Variants in KCNT2 observed in about 807,000 individuals in gnomAD.
KCNT2 encodes potassium channel subfamily T member 2.
A neutral mutation model predicts 153.8 loss-of-function variants in KCNT2; 67 were observed. The observed-to-expected ratio is 0.44, with a 90% CI of 0.36 to 0.53. KCNT2 has a LOEUF of 0.53. Ranked by LOEUF, KCNT2 falls within the 20% of genes least tolerant of loss-of-function variation. KCNT2 has a pLI of 0.00. For synonymous variants in KCNT2, 500 were observed against 458.8 expected, an observed-to-expected ratio of 1.09 and a Z score of -1.15; for missense variants, 975 against 1,354.8, an observed-to-expected ratio of 0.72 and a Z score of 4.40.
At chr1:196,301,766 GTC>G (rs1002378144) in intron 22 of KCNT2, among the ~76,000 whole-genome samples, 1 of 152,068 alleles carries the variant, frequency 6.6e-6, no homozygotes, top group African/African-American at 2.4e-5. Context: ...TAGAGACATA[GTC>G]TCTCTCTGTC....
intron 1 of KCNT2, among the ~76,000 whole-genome samples, chr1:196,508,952 T>C (rs1681374344): frequency 6.6e-6 from 1 of 152,116 alleles, no homozygotes; most frequent in Non-Finnish European, 1.5e-5. Flanking sequence ...AACTTAAACA[T>C]TTGCACTGGG....
chr1:196,586,523 A>G (rs1662700258), intron 1 of KCNT2, among the ~76,000 whole-genome samples: 1 of 152,044 alleles, frequency 6.6e-6, no homozygotes, highest in South Asian at 2.1e-4. Context: ...TCTTACCTGT[A>G]TTATTATTCG....
intron 1 of KCNT2, among the ~76,000 whole-genome samples, chr1:196,517,613 A>G (rs1056654671): frequency 5.3e-5 from 8 of 152,192 alleles, no homozygotes; most frequent in African/African-American, 1.9e-4. Context: ...ACTACAAGAA[A>G]TTCACAATGC....
intron 14 of KCNT2, among the ~76,000 whole-genome samples, chr1:196,351,452 TTC>T (rs1371218072): frequency 1.3e-5 from 2 of 152,030 alleles, no homozygotes; most frequent in Non-Finnish European, 2.9e-5. Context: ...AAGTATTTTG[TTC>T]TCTTTGAAGC....
At chr1:196,569,938 G>A (rs907336562) in intron 1 of KCNT2, among the ~76,000 whole-genome samples, 3 of 151,980 alleles carry the variant, frequency 2.0e-5, no homozygotes, top group African/African-American at 7.3e-5. Flanking sequence ...GGTGAAGAAA[G>A]GTGTAGAGAT....
chr1:196,458,792 G>T (rs1676902647), intron 8 of KCNT2, among the ~76,000 whole-genome samples: 1 of 151,876 alleles, frequency 6.6e-6, no homozygotes. Context: ...GAGAAAAAAA[G>T]TCACATGGCA....
At chr1:196,383,648 A>G (rs1316839275) in intron 13 of KCNT2, among the ~76,000 whole-genome samples, 2 of 152,220 alleles carry the variant, frequency 1.3e-5, no homozygotes, top group Non-Finnish European at 2.9e-5. Context: ...ACAGGGTCCA[A>G]GTATATCTTC....
At position 196,467,701 on chromosome 1, in the gene KCNT2, A is replaced by G. The variant is rs1424226874; in HGVS notation, c.543+2T>C. ...ATATTTGCACTTTAATTCTATACTTACAATCATATTTTCCAAGGCATGTTT... is the reference window on the plus strand; with the variant it reads ...ATATTTGCACTTTAATTCTATACTTGCAATCATATTTTCCAAGGCATGTTT... On this transcript the variant is annotated splice_donor_variant, in intron 7 of 27. Coordinates refer to ENST00000294725, the MANE Select transcript of KCNT2 (RefSeq NM_198503.5). LOFTEE classifies it high-confidence loss of function. 2.5e-6 allele frequency: 4 copies of G among 1,577,938 alleles called. No individual in the cohort carries two copies. The highest frequency in any genetic ancestry group is 2.7e-5 in the African/African-American group (2 of 74,172).
At chr1:196,425,788 G>A in intron 11 of KCNT2, 64 bp downstream of exon 11, 1 of 1,557,226 alleles carries the variant, frequency 6.4e-7, no homozygotes, top group Non-Finnish European at 8.8e-7. Context: ...AAAATTTGGA[G>A]GAAAGAGAAA....
intron 13 of KCNT2, among the ~76,000 whole-genome samples, chr1:196,384,794 A>G (rs1385653881): frequency 1.3e-5 from 2 of 151,976 alleles, no homozygotes; most frequent in Non-Finnish European, 2.9e-5. Context: ...AAATAAATAC[A>G]ATAAAATACA....
intron 13 of KCNT2, among the ~76,000 whole-genome samples, chr1:196,379,948 C>T (rs759312545): frequency 3.9e-5 from 6 of 152,162 alleles, no homozygotes; most frequent in Non-Finnish European, 7.3e-5. Flanking sequence ...TCATCACAAT[C>T]CTGCGTTATT....
At chr1:196,593,311 T>TATATATACACACACACAC (rs1256165838) in intron 1 of KCNT2, among the ~76,000 whole-genome samples, 1 of 140,204 alleles carries the variant, frequency 7.1e-6, no homozygotes, top group African/African-American at 2.8e-5. Context: ...TATATATATA[T>TATATATACACACACACAC]ACACACACAC....
intron 8 of KCNT2, among the ~76,000 whole-genome samples, chr1:196,459,203 C>T (rs2148644823): frequency 6.6e-6 from 1 of 151,622 alleles, no homozygotes; most frequent in Non-Finnish European, 1.5e-5. Flanking sequence ...ATGCAAAAAA[C>T]ATTAGTAAAT....
intron 1 of KCNT2, among the ~76,000 whole-genome samples, chr1:196,555,897 G>C (rs1280437096): frequency 6.6e-6 from 1 of 151,354 alleles, no homozygotes; most frequent in Non-Finnish European, 1.5e-5. Context: ...ACTATTCATT[G>C]GGGAAAGGAC....
chr1:196,305,424 G>A, intron 21 of KCNT2, 79 bp from the exon 22 acceptor site: 1 of 764,764 alleles, frequency 1.3e-6, no homozygotes, highest in East Asian at 2.6e-5. Context: ...ATGAGTGAGT[G>A]ATTCCTAGCC....
chr1:196,254,151 GATTT>G (rs1271820391), intron 26 of KCNT2, among the ~76,000 whole-genome samples: 1 of 151,092 alleles, frequency 6.6e-6, no homozygotes, highest in Non-Finnish European at 1.5e-5. Flanking sequence ...ATGCTTTATT[GATTT>G]ATCTATTAAG....
chr1:196,429,850 A>T, intron 8 of KCNT2, 93 bp from the exon 9 acceptor site: 1 of 784,382 alleles, frequency 1.3e-6, no homozygotes. Flanking sequence ...CACATTTCAT[A>T]AAGCCATTTA....
chr1:196,385,524 C>T (rs1297146405), intron 13 of KCNT2, among the ~76,000 whole-genome samples: 1 of 151,754 alleles, frequency 6.6e-6, no homozygotes, highest in Non-Finnish European at 1.5e-5. Context: ...ATAAAAAATC[C>T]CTATAACTCA....
intron 1 of KCNT2, among the ~76,000 whole-genome samples, chr1:196,585,888 A>C (rs1290174390): frequency 6.6e-6 from 1 of 152,098 alleles, no homozygotes; most frequent in African/African-American, 2.4e-5. Flanking sequence ...CATTTTATAG[A>C]GGCAATAAAC....
Sources: allele counts gnomAD v4.1 joint callset (sites outside exome capture counted in the v4.1 genomes callset), GRCh38; gene constraint gnomAD v4.1.1; transcripts MANE v1.5; gene names NCBI Gene and HGNC (gene_info 2026-07-23, HGNC 2026-07-21).